SYT14: variants seen among roughly 807,000 people sequenced by gnomAD.
SYT14 encodes the protein synaptotagmin-14.
SYT14 carries 32 observed loss-of-function variants against 74.2 expected under a neutral mutation model. The observed-to-expected ratio is 0.43, with a 90% CI of 0.33 to 0.58. The LOEUF (loss-of-function observed/expected upper bound fraction) is 0.58. SYT14 is among the 20% of genes least tolerant of loss of function. The probability of loss-of-function intolerance (pLI) is 0.05; values close to 1 mark genes in which losing one functional copy is unlikely to be tolerated. For missense variants in SYT14, 791 were observed against 981.8 expected (o/e 0.81, Z 2.60); for synonymous variants, 298 against 337.7 (o/e 0.88, Z 1.29).
chr1:210,052,067 T>TGTC (rs2081006875), intron 5 of SYT14, among the ~76,000 whole-genome samples: 1 of 152,220 alleles, frequency 6.6e-6, no homozygotes, highest in South Asian at 2.1e-4. Context: ...AACACACTGT[T>TGTC]GTCGAATTGT....
At chr1:209,975,389 C>G (rs987999693) in intron 2 of SYT14, among the ~76,000 whole-genome samples, 4 of 152,114 alleles carry the variant, frequency 2.6e-5, no homozygotes, top group Non-Finnish European at 4.4e-5. Flanking sequence ...CCATCAATAC[C>G]TAATTTATTG....
At chr1:209,981,539 C>A (rs182935499) in intron 2 of SYT14, among the ~76,000 whole-genome samples, 8 of 138,832 alleles carry the variant, frequency 5.8e-5, no homozygotes, top group African/African-American at 1.1e-4. Flanking sequence ...GCACCTCAAA[C>A]TTCTGTGCTT....
chr1:209,946,686 C>T (rs993880414), intron 1 of SYT14, among the ~76,000 whole-genome samples: 1 of 152,204 alleles, frequency 6.6e-6, no homozygotes, highest in African/African-American at 2.4e-5. Context: ...GAAGCTGTAG[C>T]AGGTTATCCA....
chr1:210,162,436 T>C (rs2083392274), exon 10 of SYT14: 1 of 382,398 alleles, frequency 2.6e-6, no homozygotes, highest in African/African-American at 2.1e-5. Flanking sequence ...GGAACTCTAA[T>C]CAGGAATATT....
At chr1:209,938,504 C>T (rs1431837633) in intron 1 of SYT14, among the ~76,000 whole-genome samples, 2 of 151,882 alleles carry the variant, frequency 1.3e-5, no homozygotes, top group Non-Finnish European at 2.9e-5. Context: ...CGTGGTTTTG[C>T]CGGCCTCCCG....
chr1:209,974,987 G>A (rs2079331114), intron 2 of SYT14, among the ~76,000 whole-genome samples: 1 of 152,154 alleles, frequency 6.6e-6, no homozygotes, highest in Non-Finnish European at 1.5e-5. Flanking sequence ...GTGAATGGGA[G>A]TTCACTCATG....
chr1:210,059,241 T>C, intron 5 of SYT14, among the ~76,000 whole-genome samples: 1 of 151,758 alleles, frequency 6.6e-6, no homozygotes, highest in East Asian at 1.9e-4. Context: ...AAATTCACTA[T>C]CATACAATTA....
intron 7 of SYT14, among the ~76,000 whole-genome samples, chr1:210,141,547 A>G (rs568431265): frequency 2.0e-5 from 3 of 152,296 alleles, no homozygotes; most frequent in East Asian, 1.9e-4. Flanking sequence ...CTCCTAGACT[A>G]GTCGCCCCCA....
intron 5 of SYT14, among the ~76,000 whole-genome samples, chr1:210,069,759 A>G (rs17015561): frequency 0.16 from 24,819 of 151,618 alleles, 6,445 homozygotes; most frequent in African/African-American, 0.55. Context: ...TGTTTTTGCT[A>G]TATTATTTTC....
intron 7 of SYT14, among the ~76,000 whole-genome samples, chr1:210,131,797 C>G (rs977686169): frequency 6.6e-6 from 1 of 152,144 alleles, no homozygotes; most frequent in Admixed American, 6.5e-5. Context: ...TTGCAGCCAT[C>G]CCTTCTTCCA....
chr1:210,030,494 A>C (rs1307155231), intron 5 of SYT14, among the ~76,000 whole-genome samples: 1 of 152,082 alleles, frequency 6.6e-6, no homozygotes, highest in Non-Finnish European at 1.5e-5. Context: ...CTAAGGTGGA[A>C]TCTTTAGGAT....
chr1:210,093,054 A>G (rs569938902), intron 5 of SYT14, among the ~76,000 whole-genome samples: 16 of 152,126 alleles, frequency 1.1e-4, no homozygotes, highest in Non-Finnish European at 1.9e-4. Context: ...CCCCACATAT[A>G]TTGAGAGATG....
intron 5 of SYT14, among the ~76,000 whole-genome samples, chr1:210,036,890 T>G (rs908827471): frequency 2.6e-5 from 4 of 152,060 alleles, no homozygotes; most frequent in African/African-American, 7.2e-5. Flanking sequence ...ATCTGTAGTT[T>G]TCTTTTTTCA....
chr1:210,104,244 C>T (rs1346994867), intron 7 of SYT14, among the ~76,000 whole-genome samples: 1 of 152,226 alleles, frequency 6.6e-6, no homozygotes, highest in Non-Finnish European at 1.5e-5. Context: ...CCAGTGAGAA[C>T]AGCAGCAGGT....
chr1:209,964,900 A>C (rs1279411731), intron 2 of SYT14, among the ~76,000 whole-genome samples: 3 of 152,202 alleles, frequency 2.0e-5, no homozygotes, highest in African/African-American at 7.2e-5. Flanking sequence ...ACAATAAACT[A>C]CTTTTATCAA....
chr1:210,132,567 T>TTTTGTGTGTG (rs147481736), intron 7 of SYT14, among the ~76,000 whole-genome samples: 1,632 of 145,056 alleles, frequency 0.011, 18 homozygotes, highest in Non-Finnish European at 0.017. Context: ...ATTTTATATA[T>TTTTGTGTGTG]TGTGTGTGTG....
At chr1:209,961,701 A>G (rs528202991) in intron 2 of SYT14, among the ~76,000 whole-genome samples, 1 of 152,258 alleles carries the variant, frequency 6.6e-6, no homozygotes, top group East Asian at 1.9e-4. Flanking sequence ...TGGAACTTGT[A>G]GACTCTTACT....
chr1:209,991,024 C>T (rs2102841185), intron 2 of SYT14, among the ~76,000 whole-genome samples: 2 of 152,236 alleles, frequency 1.3e-5, no homozygotes, highest in African/African-American at 4.8e-5. Flanking sequence ...CAAAATTATA[C>T]ACTGGGGAAA....
At chr1:209,962,514 T>A (rs1219193892) in intron 2 of SYT14, among the ~76,000 whole-genome samples, 1 of 152,030 alleles carries the variant, frequency 6.6e-6, no homozygotes, top group Non-Finnish European at 1.5e-5. Flanking sequence ...TAGTAGAAGG[T>A]GGAGATCATG....
Sources: gnomAD v4.1 joint callset for allele counts (sites outside exome capture counted in the v4.1 genomes callset) on GRCh38, gnomAD v4.1.1 for gene constraint, MANE v1.5 for transcripts, NCBI Gene and HGNC (gene_info 2026-07-23, HGNC 2026-07-21) for gene names.